Variants in VPS13D observed in about 807,000 individuals in gnomAD.
VPS13D encodes vacuolar protein sorting 13 homolog D, also known as intermembrane lipid transfer protein VPS13D.
In VPS13D, 187 loss-of-function variants were observed where a neutral mutation model predicts 461.9. The ratio of observed to expected loss-of-function variants is 0.40; its 90% CI spans 0.36 to 0.46. The LOEUF is 0.46. Ranked by LOEUF, VPS13D falls within the 20% of genes least tolerant of loss-of-function variation. The pLI is 0.60. For synonymous variants in VPS13D, 1,951 were observed against 1,986.3 expected, an observed-to-expected ratio of 0.98 and a Z score of 0.47; for missense variants, 4,711 against 5,364.9, an observed-to-expected ratio of 0.88 and a Z score of 3.81.
chr1:12,247,063 A>G (rs1207790261), intron 5 of VPS13D, among the ~76,000 whole-genome samples: 4 of 152,194 alleles, frequency 2.6e-5, no homozygotes, highest in Non-Finnish European at 5.9e-5. Context: ...CTGTTTTCCA[A>G]AGAGGCTGCA....
chr1:12,374,228 TG>T (rs1346416436), intron 55 of VPS13D, among the ~76,000 whole-genome samples: 1 of 152,236 alleles, frequency 6.6e-6, no homozygotes, highest in Non-Finnish European at 1.5e-5. Context: ...TTATTTCACT[TG>T]ATAAGGATGA....
intron 68 of VPS13D, among the ~76,000 whole-genome samples, chr1:12,503,197 C>G (rs1311578471): frequency 2.0e-5 from 3 of 152,186 alleles, no homozygotes; most frequent in Non-Finnish European, 4.4e-5. Context: ...GGCAGATTCA[C>G]CCACTCTTAG....
chr1:12,234,521 A>G (rs772108058), intron 2 of VPS13D, among the ~76,000 whole-genome samples, 158 bp downstream of exon 2: 12 of 152,196 alleles, frequency 7.9e-5, no homozygotes, highest in Non-Finnish European at 1.5e-4. Flanking sequence ...TTTCCAGAGT[A>G]ACTTAAGTTT....
rs1272165518 is a variant in VPS13D at position 12,436,080 on chromosome 1, A to G, written c.12333+19253A>G. Among the ~76,000 whole-genome samples the G allele has an allele frequency of 2.0e-5, 3 of 152,242 alleles. No homozygotes were observed. The East Asian group carries it at 5.8e-4, about 29-fold the overall frequency. On this transcript the variant is annotated intron_variant, in intron 65 of 69. Coordinates refer to ENST00000620676, the MANE Select transcript of VPS13D (RefSeq NM_015378.4). The stretch of plus-strand genomic sequence containing the variant: ...CTATGTATGGACAACTAGAAATGCC[A>G]GGCTCTGTGCTAGGCACAGGGGACA...
chr1:12,326,321 A>ATTTT (rs763042688), intron 35 of VPS13D, among the ~76,000 whole-genome samples: 1 of 49,280 alleles, frequency 2.0e-5, no homozygotes, highest in African/African-American at 8.3e-5. Context: ...AACCTTTTGG[A>ATTTT]TTTTTTTTTT....
rs1343249298 is a variant in VPS13D, at chr1:12,505,763, C to T, written c.12795-1090C>T. 6.6e-6 allele frequency among the ~76,000 whole-genome samples: 1 copy of T among 152,170 alleles called. No individual in the cohort carries two copies. The highest frequency in any genetic ancestry group is 1.5e-5 in the Non-Finnish European group (1 of 68,026). On this transcript the variant is annotated intron_variant, in intron 68 of 69. Transcript: ENST00000620676. This position sits in a 1 kb window ranked among gnomAD's most constrained non-coding sequence, Gnocchi z 4.2. The stretch of plus-strand genomic sequence containing the variant: ...GGGATGCTTCACAGAGAAGTTAGAA[C>T]CTGTGATCCTTGCGGGGAGGGGGAT...
chr1:12,308,387 G>T, intron 26 of VPS13D, 44 bp from the exon 27 acceptor site: 1 of 1,597,066 alleles, frequency 6.3e-7, no homozygotes, highest in Admixed American at 1.8e-5. Flanking sequence ...CCCCTTTTTG[G>T]GTCCCCTTTT....
intron 13 of VPS13D, among the ~76,000 whole-genome samples, chr1:12,263,387 AT>A (rs1317112377): frequency 2.0e-5 from 3 of 152,176 alleles, no homozygotes; most frequent in Admixed American, 6.5e-5. Flanking sequence ...GGTGGCTTGA[AT>A]TTTTTTCTGC....
At chr1:12,362,894 C>T (rs1643971625) in intron 51 of VPS13D, 44 bp downstream of exon 51, 2 of 1,612,016 alleles carry the variant, frequency 1.2e-6, no homozygotes, top group Non-Finnish European at 1.7e-6. Flanking sequence ...TATTTAATAG[C>T]ACGAGTTTTA....
At position 12,299,521 on chromosome 1, in the gene VPS13D, C is replaced by T. The variant is rs1642363114; in HGVS notation, c.6216+137C>T. ...ATGTGGCTTGAAGAATTTTTTTTGG[C>T]ATTTTATTGATATTTCAGTTAACCT... On this transcript the variant is annotated intron_variant, in intron 25 of 69. Transcript: ENST00000620676. This position sits in a 1 kb window ranked among gnomAD's most constrained non-coding sequence, Gnocchi z 4.2. The T allele has an allele frequency of 1.1e-6, 1 of 899,034 alleles. No homozygotes were observed. The highest frequency in any genetic ancestry group is 3.6e-5 in the Admixed American group (1 of 28,152). The allele number at this position is 899,034 out of a possible 1,614,324, so 55.7% of individuals were successfully genotyped here.
At chr1:12,303,790 T>C (rs1343030682) in intron 25 of VPS13D, among the ~76,000 whole-genome samples, 1 of 152,202 alleles carries the variant, frequency 6.6e-6, no homozygotes, top group Non-Finnish European at 1.5e-5. Flanking sequence ...GAGGCCTCCA[T>C]GAAGAAGCCC....
intron 17 of VPS13D, 121 bp from the exon 18 acceptor site, chr1:12,272,882 A>G: frequency 7.3e-7 from 1 of 1,371,886 alleles, no homozygotes; most frequent in South Asian, 1.5e-5. Context: ...TTTTTGCTGT[A>G]ATACATTAGA....
intron 7 of VPS13D, among the ~76,000 whole-genome samples, chr1:12,254,707 A>G (rs1640857257): frequency 6.6e-6 from 1 of 151,350 alleles, no homozygotes; most frequent in Non-Finnish European, 1.5e-5. Flanking sequence ...TATTTTTAGT[A>G]GAGATGGGGT....
At chr1:12,347,963 C>T (rs904947334) in intron 44 of VPS13D, among the ~76,000 whole-genome samples, 1 of 152,106 alleles carries the variant, frequency 6.6e-6, no homozygotes, top group Non-Finnish European at 1.5e-5. Flanking sequence ...AATAATTGCC[C>T]TTCATTATGT....
At chr1:12,283,878 A>G in intron 21 of VPS13D, 142 bp downstream of exon 21, 1 of 884,900 alleles carries the variant, frequency 1.1e-6, no homozygotes, top group Non-Finnish European at 1.7e-6. Context: ...GTTTGCTACG[A>G]AAGGTAGACA....
intron 61 of VPS13D, among the ~76,000 whole-genome samples, chr1:12,400,982 A>G (rs1240542275): frequency 2.2e-4 from 34 of 152,014 alleles, no homozygotes; most frequent in African/African-American, 8.2e-4. Context: ...ACACACACAC[A>G]CACACACACA....
At chr1:12,338,403 G>C in intron 40 of VPS13D, 98 bp downstream of exon 40, 1 of 1,042,892 alleles carries the variant, frequency 9.6e-7, no homozygotes, top group East Asian at 2.4e-5. Flanking sequence ...TGAATTGGGG[G>C]TATTCCATGT....
chr1:12,391,491 A>G (rs1358664811), intron 60 of VPS13D, among the ~76,000 whole-genome samples: 1 of 138,928 alleles, frequency 7.2e-6, no homozygotes, highest in Non-Finnish European at 1.5e-5. Context: ...GCCCAATCAC[A>G]TATATACCAC....
chr1:12,293,567 C>T lies in VPS13D; in HGVS notation c.5896C>T (p.Arg1966Cys), dbSNP rs376897406. Residue 1966 changes from arginine (R) to cysteine (C), a missense_variant, in exon 24 of 70, where the codon CGC becomes TGC. By Grantham distance (180) the Arg-to-Cys change is radical (BLOSUM62 -3). Transcript: ENST00000620676. The part of the protein sequence containing the change: ...DPLLRREHDI[R>C]VSLRMASVQY... Reference sequence around the variant, plus strand: ...TCTGCTCCGGAGAGAACACGACATTCGCGTGAGCCTCCGGATGGCCTCTGT... The same window carrying T: ...TCTGCTCCGGAGAGAACACGACATTTGCGTGAGCCTCCGGATGGCCTCTGT... 4.0e-5 allele frequency: 64 copies of T among 1,613,750 alleles called. No individual in the cohort carries two copies. Among genetic ancestry groups the T allele is most frequent in the African/African-American group, 5.3e-5 (4 of 74,906 alleles).
Sources: gnomAD v4.1 joint callset for allele counts (sites outside exome capture counted in the v4.1 genomes callset) on GRCh38, gnomAD v4.1.1 for gene constraint, Gnocchi (gnomAD v3.1) non-coding constraint, MANE v1.5 for transcripts, NCBI Gene and HGNC (gene_info 2026-07-23, HGNC 2026-07-21) for gene names.